MCM3AP: variants seen among roughly 807,000 people sequenced by gnomAD.
The protein encoded by MCM3AP is germinal-center associated nuclear protein.
A neutral mutation model predicts 184.1 loss-of-function variants in MCM3AP; 126 were observed. That is an observed-to-expected ratio of 0.68 (90% CI 0.59 to 0.79). The LOEUF is 0.79. MCM3AP is among the 30% of genes least tolerant of loss of function. The probability of loss-of-function intolerance (pLI) is 0.00; values close to 1 mark genes in which losing one functional copy is unlikely to be tolerated. For missense variants in MCM3AP, 2,496 were observed against 2,479.2 expected, an observed-to-expected ratio of 1.01 and a Z score of -0.14; for synonymous variants, 1,002 against 979.3, an observed-to-expected ratio of 1.02 and a Z score of -0.43.
At chr21:46,265,029 A>C (rs546046042) in intron 12 of MCM3AP, among the ~76,000 whole-genome samples, 39 of 152,358 alleles carry the variant, frequency 2.6e-4, no homozygotes, top group Middle Eastern at 3.4e-3. Flanking sequence ...GGTCACACCC[A>C]TCAGGGGGCG....
At position 46,262,504 on chromosome 21, in the gene MCM3AP, C is replaced by T. The variant is rs947248925; in HGVS notation, c.3336-1093G>A. On this transcript the variant is annotated intron_variant, in intron 13 of 27. Transcript: ENST00000291688. ...CTCTACAAAAAATTAAAAAATTAGC[C>T]GGGTATGGTAGCATGCGCCTGTGGT... Among the ~76,000 whole-genome samples the T allele has an allele frequency of 4.6e-5, 7 of 151,904 alleles. No individual in the cohort carries two copies. The South Asian group carries it at 6.2e-4, about 14-fold the overall frequency.
At position 46,251,543 on chromosome 21, in the gene MCM3AP, T is replaced by TA. The variant is rs768746412; in HGVS notation, c.4275dup (p.Asn1426Ter). 1 of 1,609,796 alleles carries TA rather than the reference T, an allele frequency of 6.2e-7. No homozygotes were observed. The highest frequency in any genetic ancestry group is 1.1e-5 in the South Asian group (1 of 90,864). On this transcript the variant is annotated frameshift_variant, in exon 20 of 28. Coordinates refer to ENST00000291688, the MANE Select transcript of MCM3AP (RefSeq NM_003906.5). LOFTEE classifies it high-confidence loss of function. ...TTATAGTTCACCTTTATACACACGT[T>TA]AACAGAAATCATCTGATCCCCTTTG...
At chr21:46,278,438 C>T (rs182190849) in intron 4 of MCM3AP, among the ~76,000 whole-genome samples, 16 of 152,134 alleles carry the variant, frequency 1.1e-4, no homozygotes, top group South Asian at 4.2e-4. Context: ...CGTCACAAAA[C>T]GGAAAGTGAG....
At position 46,265,368 on chromosome 21, in the gene MCM3AP, G is replaced by A; in HGVS notation, c.3187C>T (p.Gln1063Ter). ...GGCTCTGGAGGCGGTGGTTCAGGCTGCACAGACAGCTGGAAGAGGCTGGGC... is the reference window on the plus strand; with the variant it reads ...GGCTCTGGAGGCGGTGGTTCAGGCTACACAGACAGCTGGAAGAGGCTGGGC... ...VAPSLFQLSV[Q>*]PEPPPPEPVP... Residue 1063 changes from glutamine to a stop codon, truncating the protein, a stop_gained, in exon 12 of 28, where the codon CAG becomes TAG. Coordinates refer to ENST00000291688, the MANE Select transcript of MCM3AP (RefSeq NM_003906.5). LOFTEE classifies it high-confidence loss of function. The A allele has an allele frequency of 6.2e-7, 1 of 1,614,022 alleles. No individual in the cohort carries two copies. The highest frequency in any genetic ancestry group is 1.1e-5 in the South Asian group (1 of 91,080).
chr21:46,264,323 A>G, intron 12 of MCM3AP, 106 bp from the exon 13 acceptor site: 2 of 663,418 alleles, frequency 3.0e-6, no homozygotes, highest in South Asian at 3.8e-5. Context: ...TGACAGAAGC[A>G]CAACCCCTGA....
At chr21:46,276,878 C>T (rs935239588) in intron 5 of MCM3AP, among the ~76,000 whole-genome samples, 4 of 152,056 alleles carry the variant, frequency 2.6e-5, no homozygotes, top group African/African-American at 9.7e-5. Context: ...GCTGGGACTA[C>T]AGATGCACAC....
At chr21:46,263,283 T>C (rs575614489) in intron 13 of MCM3AP, among the ~76,000 whole-genome samples, 1 of 152,016 alleles carries the variant, frequency 6.6e-6, no homozygotes, top group African/African-American at 2.4e-5. Context: ...TGAGCCAAGA[T>C]TGTGCCACTG....
intron 7 of MCM3AP, 87 bp downstream of exon 7, chr21:46,273,301 A>G: frequency 3.1e-6 from 4 of 1,274,702 alleles, no homozygotes; most frequent in Non-Finnish European, 4.4e-6. Context: ...TGTTACAGAT[A>G]AAATATATAA....
At chr21:46,272,897 A>G in intron 7 of MCM3AP, 68 bp from the exon 8 acceptor site, 1 of 1,416,406 alleles carries the variant, frequency 7.1e-7, no homozygotes, top group Non-Finnish European at 9.5e-7. Flanking sequence ...GAGAAGGATC[A>G]TGCTACGACC....
At position 46,262,965 on chromosome 21, in the gene MCM3AP, CAAAAAAAAAAA is replaced by C. The variant is rs34666984; in HGVS notation, c.3335+1141_3335+1151del. Among the ~76,000 whole-genome samples the C allele has an allele frequency of 8.7e-5, 4 of 45,744 alleles. No homozygotes were observed. In the South Asian group the frequency reaches 3.4e-3, roughly 39 times the overall value. 30.0% of individuals were successfully genotyped at this position (45,744 alleles called of 152,430 possible). ...CCTGGGCGACAGGGAGACTCCGTCT[CAAAAAAAAAAA>C]AAAAAAAAAAAAGAAATGGAAAACT... On this transcript the variant is annotated intron_variant, in intron 13 of 27. Coordinates refer to ENST00000291688, the MANE Select transcript of MCM3AP (RefSeq NM_003906.5).
At chr21:46,254,060 T>G in intron 19 of MCM3AP, 1 of 328,166 alleles carries the variant, frequency 3.0e-6, no homozygotes, top group Non-Finnish European at 5.7e-6. Flanking sequence ...CCTTCCACCA[T>G]GATTGTGGGT....
chr21:46,268,909 C>T (rs2081145872), intron 9 of MCM3AP, among the ~76,000 whole-genome samples: 2 of 152,148 alleles, frequency 1.3e-5, no homozygotes, highest in South Asian at 4.2e-4. Flanking sequence ...TGGCGGGCTC[C>T]TGTAGTCCCA....
intron 4 of MCM3AP, among the ~76,000 whole-genome samples, chr21:46,277,938 C>T (rs2081276914): frequency 6.6e-6 from 1 of 152,122 alleles, no homozygotes; most frequent in Non-Finnish European, 1.5e-5. Context: ...ATATTTCATA[C>T]TTTTGAAAAA....
chr21:46,257,142 C>CT (rs1377100809), intron 16 of MCM3AP, among the ~76,000 whole-genome samples, 156 bp from the exon 17 acceptor site: 1 of 152,164 alleles, frequency 6.6e-6, no homozygotes, highest in Non-Finnish European at 1.5e-5. Context: ...ACTGAATGAG[C>CT]TTTGGAGGCT....
intron 2 of MCM3AP, among the ~76,000 whole-genome samples, chr21:46,282,029 A>G (rs899423427): frequency 5.9e-5 from 9 of 152,254 alleles, no homozygotes; most frequent in South Asian, 2.1e-4. Flanking sequence ...GAGAGCCGGT[A>G]CAATGACTCA....
chr21:46,243,341 T>C, intron 24 of MCM3AP, 124 bp downstream of exon 24: 1 of 1,187,644 alleles, frequency 8.4e-7, no homozygotes, highest in Non-Finnish European at 1.2e-6. Context: ...AGGGAAGTCC[T>C]AAGGAAAGGA....
intron 20 of MCM3AP, among the ~76,000 whole-genome samples, chr21:46,249,204 CTTTT>C (rs1169911201): frequency 6.6e-6 from 1 of 152,086 alleles, no homozygotes; most frequent in South Asian, 2.1e-4. Flanking sequence ...AATTTTCTTT[CTTTT>C]GAGACGGGGT....
rs190955320 is a variant in MCM3AP at position 46,284,765 on chromosome 21, C to A, written c.522G>T (p.Gly174=). Reference sequence around the variant, plus strand: ...TAATTGGGTGGGAAAATGTAAAAAACCCAGAAGCAATTTGGCTCTGGGTTT... The same window carrying A: ...TAATTGGGTGGGAAAATGTAAAAAAACCAGAAGCAATTTGGCTCTGGGTTT... ...PEKTQSQIAS[G]FFTFSHPISS... is the part of the protein sequence containing the mutation. Residue 174 remains glycine (G), a synonymous_variant, in exon 1 of 28, where the codon GGG becomes GGT. Coordinates refer to ENST00000291688, the MANE Select transcript of MCM3AP (RefSeq NM_003906.5). 8.7e-6 allele frequency: 14 copies of A among 1,613,772 alleles called. No individual in the cohort carries two copies. Among genetic ancestry groups the A allele is most frequent in the Non-Finnish European group, 1.2e-5 (14 of 1,179,974 alleles).
At chr21:46,269,337 G>C (rs2081152289) in intron 9 of MCM3AP, among the ~76,000 whole-genome samples, 1 of 152,004 alleles carries the variant, frequency 6.6e-6, no homozygotes, top group Admixed American at 6.6e-5. Flanking sequence ...GGCTGGCCTT[G>C]AACTCCTGAG....
Sources: gnomAD v4.1 joint callset for allele counts (sites outside exome capture counted in the v4.1 genomes callset) on GRCh38, gnomAD v4.1.1 for gene constraint, MANE v1.5 for transcripts, NCBI Gene and HGNC (gene_info 2026-07-23, HGNC 2026-07-21) for gene names.